Variants in ZMIZ1 observed in about 807,000 individuals in gnomAD.
ZMIZ1 encodes the protein zinc finger MIZ-type containing 1, also known as zinc finger MIZ domain-containing protein 1.
A neutral mutation model predicts 113.9 loss-of-function variants in ZMIZ1; 17 were observed. The observed-to-expected ratio is 0.15, with a 90% CI of 0.10 to 0.22. The LOEUF (loss-of-function observed/expected upper bound fraction) is 0.22. ZMIZ1 is among the 10% of genes least tolerant of loss of function. The pLI is 1.00. For synonymous variants in ZMIZ1, 607 were observed against 603.1 expected (o/e 1.01, Z -0.09); for missense variants, 1,059 against 1,477.8 (o/e 0.72, Z 4.65).
At chr10:79,163,558 C>T (rs1001230191) in intron 4 of ZMIZ1, among the ~76,000 whole-genome samples, 2 of 152,238 alleles carry the variant, frequency 1.3e-5, no homozygotes, top group Non-Finnish European at 2.9e-5. Flanking sequence ...AAGAATCCCA[C>T]GGGGAGGTTT....
At chr10:79,279,191 C>T (rs1293304453) in intron 8 of ZMIZ1, among the ~76,000 whole-genome samples, 6 of 151,814 alleles carry the variant, frequency 4.0e-5, no homozygotes, top group African/African-American at 1.5e-4. Context: ...GGGGGAGGGG[C>T]TCCTCACTTC....
chr10:79,291,292 CTGT>C, intron 10 of ZMIZ1, 116 bp downstream of exon 10: 1 of 1,282,588 alleles, frequency 7.8e-7, no homozygotes, highest in Admixed American at 2.9e-5. Context: ...AAGTTATCCT[CTGT>C]TGTTACATGA....
intron 7 of ZMIZ1, among the ~76,000 whole-genome samples, chr10:79,263,074 G>A (rs564046203): frequency 6.6e-5 from 10 of 152,382 alleles, no homozygotes; most frequent in African/African-American, 1.7e-4. Context: ...TCTGAAGGTT[G>A]TCATCTCCCA....
chr10:79,277,039 C>A, intron 7 of ZMIZ1, 142 bp from the exon 8 acceptor site: 1 of 1,066,772 alleles, frequency 9.4e-7, no homozygotes. Context: ...CCCAAGAGGG[C>A]TGAGTAAGTC....
intron 7 of ZMIZ1, among the ~76,000 whole-genome samples, chr10:79,240,595 A>G (rs551562074): frequency 6.8e-6 from 1 of 148,120 alleles, no homozygotes; most frequent in East Asian, 2.0e-4. Context: ...GCTTGAAAAC[A>G]ATTTGTTTTC....
chr10:79,261,006 C>T (rs74941502), intron 7 of ZMIZ1, among the ~76,000 whole-genome samples: 1 of 152,296 alleles, frequency 6.6e-6, no homozygotes, highest in African/African-American at 2.4e-5. Flanking sequence ...GGACACGTCC[C>T]TGCATGACCT....
chr10:79,091,708 G>A (rs1842987443), intron 1 of ZMIZ1, among the ~76,000 whole-genome samples: 1 of 152,358 alleles, frequency 6.6e-6, no homozygotes, highest in South Asian at 2.1e-4. Flanking sequence ...AGGAAGGGAG[G>A]TGTGCCTGTG....
At chr10:79,288,005 C>T (rs543301371) in intron 8 of ZMIZ1, among the ~76,000 whole-genome samples, 4 of 152,172 alleles carry the variant, frequency 2.6e-5, no homozygotes, top group Admixed American at 6.5e-5. Flanking sequence ...ACGAGGAGGG[C>T]GGGGGAGGCC....
intron 1 of ZMIZ1, among the ~76,000 whole-genome samples, chr10:79,109,051 G>A (rs1564655119): frequency 1.3e-5 from 2 of 152,170 alleles, no homozygotes; most frequent in Admixed American, 6.5e-5. Context: ...GGGCCTGTGC[G>A]CAGATGAACA....
intron 7 of ZMIZ1, among the ~76,000 whole-genome samples, chr10:79,275,148 G>A (rs768183006): frequency 6.6e-6 from 1 of 152,232 alleles, no homozygotes; most frequent in Non-Finnish European, 1.5e-5. Flanking sequence ...CTGGAGGCTC[G>A]TTTTTGTGTG....
chr10:79,272,417 C>G (rs534542556), intron 7 of ZMIZ1, among the ~76,000 whole-genome samples: 1 of 152,238 alleles, frequency 6.6e-6, no homozygotes, highest in African/African-American at 2.4e-5. Context: ...GGTTTCGAAT[C>G]GAATCCAGAC....
chr10:79,215,016 C>G (rs1365007504), intron 6 of ZMIZ1, among the ~76,000 whole-genome samples: 1 of 151,160 alleles, frequency 6.6e-6, no homozygotes, highest in Non-Finnish European at 1.5e-5. Flanking sequence ...TCTGCCGCCT[C>G]TCACCCTGCC....
intron 4 of ZMIZ1, among the ~76,000 whole-genome samples, chr10:79,169,848 A>G (rs1846525662): frequency 1.3e-5 from 2 of 152,272 alleles, no homozygotes; most frequent in East Asian, 1.9e-4. Flanking sequence ...CTCTGTTAGC[A>G]GCAGACTGAT....
chr10:79,157,212 T>C (rs747996121), intron 3 of ZMIZ1, among the ~76,000 whole-genome samples: 1 of 152,186 alleles, frequency 6.6e-6, no homozygotes, highest in Non-Finnish European at 1.5e-5. Flanking sequence ...CTCTGTAAAG[T>C]GGGACCTTAC....
At chr10:79,229,660 A>G (rs981859362) in intron 7 of ZMIZ1, among the ~76,000 whole-genome samples, 77 of 152,190 alleles carry the variant, frequency 5.1e-4, no homozygotes, top group Admixed American at 1.6e-3. Flanking sequence ...ACGTAAGCTC[A>G]TGGGTAGCTA....
intron 7 of ZMIZ1, among the ~76,000 whole-genome samples, chr10:79,223,934 G>C (rs1849096294): frequency 6.6e-6 from 1 of 152,192 alleles, no homozygotes; most frequent in Non-Finnish European, 1.5e-5. Flanking sequence ...AAGGAATTGG[G>C]GGGAGGGGCA....
chr10:79,216,888 A>G (rs1042557777), intron 7 of ZMIZ1, among the ~76,000 whole-genome samples: 5 of 152,250 alleles, frequency 3.3e-5, no homozygotes, highest in Non-Finnish European at 7.3e-5. Flanking sequence ...AGCAGGGGCC[A>G]TGGAGAGTGC....
chr10:79,263,383 G>C (rs1368661203), intron 7 of ZMIZ1, among the ~76,000 whole-genome samples: 1 of 152,152 alleles, frequency 6.6e-6, no homozygotes, highest in East Asian at 1.9e-4. Flanking sequence ...GTGGAGTCGG[G>C]GGTGCAAATG....
intron 4 of ZMIZ1, among the ~76,000 whole-genome samples, chr10:79,200,347 C>G (rs1474328892): frequency 1.3e-5 from 2 of 152,200 alleles, no homozygotes; most frequent in South Asian, 2.1e-4. Context: ...ACAGTCCTTC[C>G]TCTCTCTACC....
Sources: allele counts gnomAD v4.1 joint callset (sites outside exome capture counted in the v4.1 genomes callset), GRCh38; gene constraint gnomAD v4.1.1; transcripts MANE v1.5; gene names NCBI Gene and HGNC (gene_info 2026-07-23, HGNC 2026-07-21).